MYCBP2: variants seen among roughly 807,000 people sequenced by gnomAD.
MYCBP2 encodes E3 ubiquitin-protein ligase MYCBP2.
In MYCBP2, 120 loss-of-function variants were observed where a neutral mutation model predicts 525.3. That is an observed-to-expected ratio of 0.23 (90% CI 0.20 to 0.27). MYCBP2 has a LOEUF of 0.27. Ranked by LOEUF, MYCBP2 falls within the 10% of genes least tolerant of loss-of-function variation. The pLI is 1.00. For synonymous variants in MYCBP2, 1,894 were observed against 1,955.8 expected (o/e 0.97, Z 0.83); for missense variants, 4,149 against 5,657.1 (o/e 0.73, Z 8.55).
intron 80 of MYCBP2, among the ~76,000 whole-genome samples, chr13:77,054,403 A>G (rs188076126): frequency 1.5e-3 from 231 of 151,360 alleles, no homozygotes; most frequent in African/African-American, 5.3e-3. Flanking sequence ...TAGATCTAGA[A>G]GTATTAATTA....
chr13:77,268,040 C>T (rs1745458589), intron 7 of MYCBP2, 103 bp from the exon 8 acceptor site: 2 of 640,224 alleles, frequency 3.1e-6, no homozygotes, highest in Admixed American at 2.8e-5. Context: ...TACAATAATA[C>T]ATCAATATTG....
intron 54 of MYCBP2, among the ~76,000 whole-genome samples, chr13:77,122,953 G>A (rs780024205): frequency 1.3e-5 from 2 of 152,122 alleles, no homozygotes; most frequent in South Asian, 4.1e-4. Flanking sequence ...TAAACTGAAC[G>A]GAAAAGATAG....
chr13:77,262,250 A>T, intron 10 of MYCBP2, 121 bp from the exon 11 acceptor site: 2 of 738,624 alleles, frequency 2.7e-6, no homozygotes, highest in Non-Finnish European at 4.2e-6. Flanking sequence ...AGGATGACAA[A>T]ATGTCATGTG....
chr13:77,045,129 T>C lies in MYCBP2; in HGVS notation c.*249A>G. Reference sequence around the variant, plus strand: ...ATGCTTCACAGGCCAATGACGGTAATGGCCACATGCAAACACCTCACAAGT... The same window carrying C: ...ATGCTTCACAGGCCAATGACGGTAACGGCCACATGCAAACACCTCACAAGT... On this transcript the variant is annotated 3_prime_UTR_variant, in exon 83 of 83. Coordinates refer to ENST00000544440, the MANE Select transcript of MYCBP2 (RefSeq NM_015057.5). 1 of 447,416 alleles carries C rather than the reference T, an allele frequency of 2.2e-6. No individual in the cohort carries two copies. The highest frequency in any genetic ancestry group is 3.9e-6 in the Non-Finnish European group (1 of 254,096). The allele number at this position is 447,416 out of a possible 1,614,324, so 27.7% of individuals were successfully genotyped here.
chr13:77,071,654 A>C (rs1453598751), intron 68 of MYCBP2, among the ~76,000 whole-genome samples: 2 of 152,324 alleles, frequency 1.3e-5, no homozygotes, highest in East Asian at 3.9e-4. Context: ...CAAAAAACCA[A>C]AAACCAGTAA....
At chr13:77,223,931 G>A (rs1003067982) in intron 20 of MYCBP2, among the ~76,000 whole-genome samples, 8 of 151,760 alleles carry the variant, frequency 5.3e-5, no homozygotes, top group African/African-American at 1.9e-4. Flanking sequence ...ATGAAGTAGG[G>A]ATATTAGGAA....
At chr13:77,265,559 T>A (rs938114540) in intron 8 of MYCBP2, among the ~76,000 whole-genome samples, 1 of 152,144 alleles carries the variant, frequency 6.6e-6, no homozygotes, top group Admixed American at 6.6e-5. Flanking sequence ...TTAAATAAAC[T>A]ATACTGTAAG....
intron 54 of MYCBP2, among the ~76,000 whole-genome samples, 167 bp from the exon 55 acceptor site, chr13:77,121,662 A>G (rs2050714153): frequency 6.6e-6 from 1 of 152,230 alleles, no homozygotes; most frequent in South Asian, 2.1e-4. Flanking sequence ...AACATTAACA[A>G]AGCACCTGAC....
Position 77,087,486 on chromosome 13 carries a change from G to T in MYCBP2, c.10873C>A (p.Gln3625Lys), listed in dbSNP as rs1594401487. The T allele has an allele frequency of 1.2e-6, 2 of 1,607,318 alleles. No individual in the cohort carries two copies. Among genetic ancestry groups the T allele is most frequent in the Admixed American group, 1.7e-5 (1 of 59,298 alleles). ...ATCAAAACAAAAATTTCATTTACTTGTTCTGAATTTTCTTTGCTTGTTTTA... is the reference window on the plus strand; with the variant it reads ...ATCAAAACAAAAATTTCATTTACTTTTTCTGAATTTTCTTTGCTTGTTTTA... ...ENKTSKENSE[Q>K]EKDTRVCEHP... The change falls in exon 62 of 83, where the codon CAA (glutamine) becomes AAA (lysine). Residue 3625 changes from glutamine (Q) to lysine (K), a missense_variant and splice_region_variant. By Grantham distance (53) the Gln-to-Lys change is moderately conservative. Transcript: ENST00000544440.
At position 77,273,513 on chromosome 13, in the gene MYCBP2, T is replaced by G. The variant is rs1314382530; in HGVS notation, c.904A>C (p.Ile302Leu). 6.2e-7 allele frequency: 1 copy of G among 1,610,148 alleles called. No homozygotes were observed. Among genetic ancestry groups the G allele is most frequent in the Non-Finnish European group, 8.5e-7 (1 of 1,178,742 alleles). ...GCATGGCTTCCATTGTTGGTGAGGA[T>G]AGCAGAGATGGCCTGAAGTGTCCTT... ...TGRTLQAISA[I>L]LTNNGSHACQ... The change falls in exon 5 of 83, where the codon ATC becomes CTC. Residue 302 changes from isoleucine (I) to leucine (L), a missense_variant. Around this residue, in one of 21 missense-constraint regions of MYCBP2, gnomAD observed 413 missense variants for 451.2 expected, o/e 0.92. Transcript: ENST00000544440.
rs1257325876 is a variant in MYCBP2, at chr13:77,165,325, T to C, written c.6407A>G (p.Tyr2136Cys). Residue 2136 changes from tyrosine (Y) to cysteine (C), a missense_variant, in exon 42 of 83, where the codon TAT becomes TGT. Tyr to Cys is a radical substitution (Grantham distance 194). Coordinates refer to ENST00000544440, the MANE Select transcript of MYCBP2 (RefSeq NM_015057.5). ...TCCAATTGCAAAACACTTAAAACCA[T>C]AGAAAGAAGCTTTGTCATCTTTCAC... ...DYVKDDKASF[Y>C]GFKCFAIGYE... is the part of the protein sequence containing the mutation. 10 of 1,612,792 alleles carry C rather than the reference T, an allele frequency of 6.2e-6. No homozygotes were observed. Among genetic ancestry groups the C allele is most frequent in the Admixed American group, 3.3e-5 (2 of 59,798 alleles).
chr13:77,166,984 C>T lies in MYCBP2; in HGVS notation c.6115-430G>A, dbSNP rs1367843237. Among the ~76,000 whole-genome samples the T allele has an allele frequency of 8.4e-3, 375 of 44,806 alleles. 1 individual carries two copies. The highest frequency in any genetic ancestry group is 0.019 in the African/African-American group (341 of 18,126). The allele number at this position is 44,806 out of a possible 152,430, so 29.4% of individuals were successfully genotyped here. ...AAGACAAAACACACACATACACACACACACACACACACACACACACACACA... is the reference window on the plus strand; with the variant it reads ...AAGACAAAACACACACATACACACATACACACACACACACACACACACACA... On this transcript the variant is annotated intron_variant, in intron 40 of 82. Coordinates refer to ENST00000544440, the MANE Select transcript of MYCBP2 (RefSeq NM_015057.5).
chr13:77,078,924 T>A (rs939364277), intron 65 of MYCBP2, 35 bp from the exon 66 acceptor site: 4 of 1,533,420 alleles, frequency 2.6e-6, no homozygotes, highest in Non-Finnish European at 3.6e-6. Flanking sequence ...TAATATGCTA[T>A]ATTCCTGCTT....
Position 77,077,243 on chromosome 13 carries a change from T to C in MYCBP2, c.11629A>G (p.Ser3877Gly), listed in dbSNP as rs1318796652. ...GAAATCTGGCCAGCTATTTTTGTGCTTTCACCATCTTTCCAGCCCAGGACT... is the reference window on the plus strand; with the variant it reads ...GAAATCTGGCCAGCTATTTTTGTGCCTTCACCATCTTTCCAGCCCAGGACT... The part of the protein sequence containing the change: ...VKVLGWKDGE[S>G]TKIAGQISAS... Residue 3877 changes from serine to glycine, a missense_variant, in exon 67 of 83, where the codon AGC (serine) becomes GGC (glycine). This residue lies in a region of MYCBP2 where 509 missense variants were observed against 789.4 expected (regional missense o/e 0.64). Transcript: ENST00000544440. The C allele has an allele frequency of 6.2e-7, 1 of 1,614,072 alleles. No homozygotes were observed. The highest frequency in any genetic ancestry group is 2.2e-5 in the East Asian group (1 of 44,876).
intron 18 of MYCBP2, among the ~76,000 whole-genome samples, chr13:77,227,494 AC>A (rs2066458307): frequency 6.6e-6 from 1 of 151,382 alleles, no homozygotes. Context: ...ACACACACAC[AC>A]ACACACACAC....
At chr13:77,249,073 C>T (rs1010729580) in intron 15 of MYCBP2, among the ~76,000 whole-genome samples, 1 of 152,048 alleles carries the variant, frequency 6.6e-6, no homozygotes, top group African/African-American at 2.4e-5. Flanking sequence ...CAATCAGACA[C>T]AGAAAGAAAA....
At chr13:77,158,545 C>T (rs914664864) in intron 44 of MYCBP2, among the ~76,000 whole-genome samples, 3 of 152,118 alleles carry the variant, frequency 2.0e-5, no homozygotes, top group Non-Finnish European at 2.9e-5. Flanking sequence ...TGGGCTCAAG[C>T]GATCCTTCTG....
chr13:77,317,666 C>T (rs1288235563), intron 1 of MYCBP2, among the ~76,000 whole-genome samples: 1 of 152,122 alleles, frequency 6.6e-6, no homozygotes, highest in Non-Finnish European at 1.5e-5. Context: ...CGGCCGGGCG[C>T]GGTGGCTCAC....
Position 77,093,156 on chromosome 13 carries a change from C to T in MYCBP2, c.10367+9G>A, listed in dbSNP as rs1402105876. ...TAGCTATTCAACAGACAGGAGAGAA[C>T]TAAAATACCTTGGTGGCATAGACTT... is the stretch of plus-strand genomic sequence containing the variant. On this transcript the variant is annotated intron_variant, in intron 59 of 82. Transcript: ENST00000544440. The T allele has an allele frequency of 2.5e-6, 4 of 1,603,666 alleles. No individual in the cohort carries two copies. Among genetic ancestry groups the T allele is most frequent in the Non-Finnish European group, 3.4e-6 (4 of 1,175,698 alleles).
Sources: allele counts gnomAD v4.1 joint callset (sites outside exome capture counted in the v4.1 genomes callset), GRCh38; gene constraint gnomAD v4.1.1; regional missense constraint gnomAD v4.1.1; transcripts MANE v1.5; gene names NCBI Gene and HGNC (gene_info 2026-07-23, HGNC 2026-07-21).